Variants in ATP10A observed in about 807,000 individuals in gnomAD.
ATP10A encodes the protein ATPase phospholipid transporting 10A (putative).
ATP10A carries 111 observed loss-of-function variants against 147.8 expected under a neutral mutation model. The observed-to-expected ratio is 0.75, with a 90% CI of 0.64 to 0.88. The LOEUF (loss-of-function observed/expected upper bound fraction) is 0.88, where lower values mean the gene tolerates loss of function less well. Among genes scored for constraint, ATP10A ranks in the 40% least tolerant of loss-of-function variants. ATP10A has a pLI of 0.00. For synonymous variants in ATP10A, 875 were observed against 841.6 expected (o/e 1.04, Z -0.69); for missense variants, 1,927 against 1,959.0 (o/e 0.98, Z 0.31).
At chr15:25,788,740 A>T (rs1890280664) in intron 1 of ATP10A, among the ~76,000 whole-genome samples, 1 of 152,212 alleles carries the variant, frequency 6.6e-6, no homozygotes, top group East Asian at 1.9e-4. Context: ...TGCTTACAGG[A>T]TTTCCATGAA....
In ATP10A at chr15:25,680,223, C is replaced by T. The variant is rs1306035318; in HGVS notation, c.3764G>A (p.Cys1255Tyr). Residue 1255 changes from cysteine to tyrosine, a missense_variant, in exon 20 of 21, where the codon TGC becomes TAC. Physicochemically the swap from Cys to Tyr is radical, Grantham distance 194 (BLOSUM62 -2). Transcript: ENST00000555815. ...ALIYNASCAT[C>Y]YPPSNPYWTM... ...CCAGTAAGGGTTGGACGGAGGATAG[C>T]ACGTGGCACAAGACGCATTGTAAAT... The T allele has an allele frequency of 6.2e-7, 1 of 1,614,048 alleles. No individual in the cohort carries two copies. Among genetic ancestry groups the T allele is most frequent in the Admixed American group, 1.7e-5 (1 of 60,006 alleles).
chr15:25,808,975 G>A (rs1183096134), intron 1 of ATP10A, among the ~76,000 whole-genome samples: 2 of 152,172 alleles, frequency 1.3e-5, no homozygotes, highest in Non-Finnish European at 2.9e-5. Flanking sequence ...CTCTCACTGC[G>A]TGGCCACGAG....
rs200772772 is a variant in ATP10A at position 25,721,640 on chromosome 15, C to A, written c.1363+17G>T. ...CTGGTTCAGCCTGGGTTGGGAGCCC[C>A]GCACCCCCAGACTCACCATTTGCAT... On this transcript the variant is annotated intron_variant, in intron 7 of 20. Coordinates refer to ENST00000555815, the MANE Select transcript of ATP10A (RefSeq NM_024490.4). 3.7e-6 allele frequency: 6 copies of A among 1,606,392 alleles called. No homozygotes were observed. Among genetic ancestry groups the A allele is most frequent in the Non-Finnish European group, 4.3e-6 (5 of 1,174,682 alleles).
At chr15:25,760,143 CT>C (rs528661509) in intron 2 of ATP10A, among the ~76,000 whole-genome samples, 128 of 152,162 alleles carry the variant, frequency 8.4e-4, no homozygotes, top group African/African-American at 3.0e-3. Flanking sequence ...TTTCAAAAAA[CT>C]TTTGACCGAA....
At chr15:25,714,432 G>A (rs1422074828) in intron 9 of ATP10A, among the ~76,000 whole-genome samples, 191 bp from the exon 10 acceptor site, 3 of 151,846 alleles carry the variant, frequency 2.0e-5, no homozygotes, top group Non-Finnish European at 4.4e-5. Context: ...GAATAGTGTC[G>A]CAATAAACAT....
At chr15:25,799,135 A>G (rs1288915092) in intron 1 of ATP10A, among the ~76,000 whole-genome samples, 1 of 152,126 alleles carries the variant, frequency 6.6e-6, no homozygotes, top group African/African-American at 2.4e-5. Flanking sequence ...GGCCATCCGA[A>G]TGGTTACGGA....
intron 2 of ATP10A, among the ~76,000 whole-genome samples, chr15:25,761,369 A>G (rs1405769073): frequency 2.0e-5 from 3 of 152,238 alleles, no homozygotes; most frequent in African/African-American, 7.2e-5. Context: ...ATTGACTCAC[A>G]CTTACCACAG....
At chr15:25,732,330 C>A (rs1042116133) in intron 3 of ATP10A, among the ~76,000 whole-genome samples, 3 of 151,814 alleles carry the variant, frequency 2.0e-5, no homozygotes, top group Non-Finnish European at 4.4e-5. Context: ...CTGCCTCCCC[C>A]GCTCAAGTGA....
chr15:25,689,099 C>T (rs1013697209), intron 15 of ATP10A, among the ~76,000 whole-genome samples: 3 of 152,254 alleles, frequency 2.0e-5, no homozygotes, highest in East Asian at 1.9e-4. Flanking sequence ...AAGAAACCCC[C>T]GCCCTTGAGA....
At position 25,679,698 on chromosome 15, in the gene ATP10A, C is replaced by T. The variant is rs111334845; in HGVS notation, c.4143G>A (p.Glu1381=). ...CGCTCAGCCCCTCCAGCAGGGTGTGCTCCCTCACTGGCATGCTCATGTCCA... is the reference window on the plus strand; with the variant it reads ...CGCTCAGCCCCTCCAGCAGGGTGTGTTCCCTCACTGGCATGCTCATGTCCA... ...STVDMSMPVR[E]HTLLEGLSAP... is the part of the protein sequence containing the mutation. The change falls in exon 21 of 21, where the codon GAG becomes GAA. Residue 1381 remains glutamate (E), a synonymous_variant. Transcript: ENST00000555815. 9 of 1,613,282 alleles carry T rather than the reference C, an allele frequency of 5.6e-6. No individual in the cohort carries two copies. The African/African-American group carries it at 9.3e-5, about 17-fold the overall frequency.
chr15:25,762,624 T>A (rs1888817853), intron 2 of ATP10A, among the ~76,000 whole-genome samples: 1 of 151,966 alleles, frequency 6.6e-6, no homozygotes, highest in Non-Finnish European at 1.5e-5. Context: ...CTCTATTGCC[T>A]GGGCTAGTGT....
chr15:25,692,402 C>T (rs753934064), intron 14 of ATP10A, among the ~76,000 whole-genome samples: 21 of 152,200 alleles, frequency 1.4e-4, no homozygotes, highest in Non-Finnish European at 2.6e-4. Flanking sequence ...GGGGAAAGGA[C>T]AGCAGAGTCA....
At chr15:25,682,350 AG>A in intron 17 of ATP10A, among the ~76,000 whole-genome samples, 1 of 28,168 alleles carries the variant, frequency 3.6e-5, no homozygotes. Flanking sequence ...ATAGATGAAT[AG>A]AGTCTCTATT....
intron 2 of ATP10A, among the ~76,000 whole-genome samples, chr15:25,765,862 G>A (rs969676378): frequency 6.6e-6 from 1 of 152,194 alleles, no homozygotes; most frequent in Non-Finnish European, 1.5e-5. Flanking sequence ...AGTGCTGAGG[G>A]CGGCCACCCT....
At chr15:25,833,719 G>C (rs917731390) in intron 1 of ATP10A, among the ~76,000 whole-genome samples, 2 of 152,084 alleles carry the variant, frequency 1.3e-5, no homozygotes, top group Admixed American at 1.3e-4. Flanking sequence ...CGTGGCTCAC[G>C]CCTGTAATCC....
intron 5 of ATP10A, among the ~76,000 whole-genome samples, chr15:25,724,435 C>A (rs1448854665): frequency 6.6e-6 from 1 of 152,200 alleles, no homozygotes; most frequent in African/African-American, 2.4e-5. Flanking sequence ...TCCTGAGATT[C>A]ACAATTCACA....
chr15:25,852,054 G>A (rs1893321597), intron 1 of ATP10A, among the ~76,000 whole-genome samples: 1 of 152,102 alleles, frequency 6.6e-6, no homozygotes, highest in Admixed American at 6.6e-5. Flanking sequence ...TGGCACTGTA[G>A]CCCACCCTCT....
intron 14 of ATP10A, among the ~76,000 whole-genome samples, chr15:25,693,618 C>T (rs532985447): frequency 6.6e-6 from 1 of 152,306 alleles, no homozygotes; most frequent in South Asian, 2.1e-4. Flanking sequence ...AGACCGTTTC[C>T]AGCTCCTCAG....
rs186473699 is a variant in ATP10A, at chr15:25,753,425, C to T, written c.655-17284G>A. 6.6e-4 allele frequency among the ~76,000 whole-genome samples: 100 copies of T among 152,234 alleles called. No homozygotes were observed. The East Asian group carries it at 0.016, about 24-fold the overall frequency. ...TTGTTGCAAATGACAGAATTTCCTTCTTTTTAAAGCTGAATAGTATTTCAT... is the reference window on the plus strand; with the variant it reads ...TTGTTGCAAATGACAGAATTTCCTTTTTTTTAAAGCTGAATAGTATTTCAT... On this transcript the variant is annotated intron_variant, in intron 2 of 20. Transcript: ENST00000555815.
Sources: allele counts gnomAD v4.1 joint callset (sites outside exome capture counted in the v4.1 genomes callset), GRCh38; gene constraint gnomAD v4.1.1; transcripts MANE v1.5; gene names NCBI Gene and HGNC (gene_info 2026-07-23, HGNC 2026-07-21).